The following DBH variants were observed in gnomAD, a reference collection of about 807,000 sequenced individuals.
The protein encoded by DBH is dopamine beta-hydroxylase, also known as dopamine beta-hydroxylase (dopamine beta-monooxygenase).
A neutral mutation model predicts 64.0 loss-of-function variants in DBH; 49 were observed. That is an observed-to-expected ratio of 0.77 (90% CI 0.61 to 0.97). The LOEUF is 0.97. Among genes scored for constraint, DBH ranks in the 50% least tolerant of loss-of-function variants. DBH has a pLI of 0.00. For missense variants in DBH, 828 were observed against 826.6 expected (o/e 1.00, Z -0.02); for synonymous variants, 343 against 347.1 (o/e 0.99, Z 0.13).
At chr9:133,646,033 A>G (rs1832177259) in intron 5 of DBH, among the ~76,000 whole-genome samples, 1 of 152,150 alleles carries the variant, frequency 6.6e-6, no homozygotes, top group Non-Finnish European at 1.5e-5. Flanking sequence ...AGCATGAAGA[A>G]GATGAAACCA....
chr9:133,650,442 CTTCT>C (rs1832232198), intron 6 of DBH, among the ~76,000 whole-genome samples: 2 of 150,572 alleles, frequency 1.3e-5, no homozygotes, highest in African/African-American at 5.0e-5. Context: ...TCCTTCTTTC[CTTCT>C]TTTCTTTCCT....
Position 133,642,295 on chromosome 9 carries a change from T to G in DBH, c.575T>G (p.Leu192Arg). The part of the protein sequence containing the change: ...AINGSGLQMG[L>R]QRVQLLKPNI... ...AACGGCTCGGGCCTGCAGATGGGGC[T>G]GCAGAGGGTGCAGCTCCTGAAGCCC... Residue 192 changes from leucine to arginine, a missense_variant, in exon 3 of 12, where the codon CTG becomes CGG. Coordinates refer to ENST00000393056, the MANE Select transcript of DBH (RefSeq NM_000787.4). The G allele has an allele frequency of 6.2e-7, 1 of 1,614,018 alleles. No homozygotes were observed. The highest frequency in any genetic ancestry group is 8.5e-7 in the Non-Finnish European group (1 of 1,179,986).
In DBH at chr9:133,658,398, G is replaced by C; in HGVS notation, c.1805G>C (p.Arg602Pro). 6.2e-7 allele frequency: 1 copy of C among 1,613,680 alleles called. No homozygotes were observed. The highest frequency in any genetic ancestry group is 8.5e-7 in the Non-Finnish European group (1 of 1,179,774). The stretch of plus-strand genomic sequence containing the variant: ...CCACAGTGCCCCACCAGCCAGGGCC[G>C]AAGCCCTGCTGGCCCCACCGTTGTC... ...PTPQCPTSQGRSPAGPTVVSI... is the reference protein window; with the variant it reads ...PTPQCPTSQGPSPAGPTVVSI... Residue 602 changes from arginine (R) to proline (P), a missense_variant, in exon 12 of 12, where the codon CGA (arginine) becomes CCA (proline). Arg to Pro is a moderately radical substitution (Grantham distance 103, BLOSUM62 -2). Coordinates refer to ENST00000393056, the MANE Select transcript of DBH (RefSeq NM_000787.4).
chr9:133,654,100 T>TATTTC (rs1832283779), intron 9 of DBH, among the ~76,000 whole-genome samples: 1 of 132,966 alleles, frequency 7.5e-6, no homozygotes, highest in African/African-American at 3.0e-5. Flanking sequence ...GCCAGTGGTT[T>TATTTC]ATTTTATTTT....
chr9:133,648,234 C>G (rs1329067453), intron 6 of DBH, among the ~76,000 whole-genome samples: 1 of 152,158 alleles, frequency 6.6e-6, no homozygotes, highest in African/African-American at 2.4e-5. Context: ...ACCATGGCTC[C>G]CACTAGTCCA....
At chr9:133,658,294 C>A in intron 11 of DBH, 22 bp from the exon 12 acceptor site, 1 of 1,611,994 alleles carries the variant, frequency 6.2e-7, no homozygotes, top group Non-Finnish European at 8.5e-7. Context: ...CCTCAGTTTA[C>A]CTCCTGCCCC....
chr9:133,658,316 G>T lies in DBH; in HGVS notation c.1723G>T (p.Gly575Cys), dbSNP rs562020837. ...CNKSSAVRFQ[G>C]EWNLQPLPKV... ...TTACCTCCTGCCCCCTTCCTTGCAG[G>T]GTGAATGGAACCTGCAGCCCCTGCC... Residue 575 changes from glycine to cysteine, a missense_variant and splice_region_variant, in exon 12 of 12, where the codon GGT (glycine) becomes TGT (cysteine). Coordinates refer to ENST00000393056, the MANE Select transcript of DBH (RefSeq NM_000787.4). The T allele has an allele frequency of 2.5e-6, 4 of 1,613,840 alleles. No homozygotes were observed. In the Admixed American group the frequency reaches 6.7e-5, roughly 27 times the overall value.
At chr9:133,639,626 G>C (rs956648130) in intron 1 of DBH, among the ~76,000 whole-genome samples, 1 of 152,198 alleles carries the variant, frequency 6.6e-6, no homozygotes, top group Non-Finnish European at 1.5e-5. Context: ...CAACTCCACT[G>C]TCGGGGCTCA....
At chr9:133,644,959 ACACACACATG>A (rs370462926) in intron 5 of DBH, among the ~76,000 whole-genome samples, 12,609 of 63,822 alleles carry the variant, frequency 0.2, 618 homozygotes, top group African/African-American at 0.3. Flanking sequence ...ACACACACGC[ACACACACATG>A]CACACATGTA....
At chr9:133,647,594 A>G (rs1045907755) in intron 5 of DBH, among the ~76,000 whole-genome samples, 1 of 152,196 alleles carries the variant, frequency 6.6e-6, no homozygotes, top group African/African-American at 2.4e-5. Flanking sequence ...GTTTTCATAG[A>G]AACAGCAGCT....
chr9:133,646,832 C>T (rs1048475728), intron 5 of DBH, among the ~76,000 whole-genome samples: 12 of 152,284 alleles, frequency 7.9e-5, no homozygotes, highest in African/African-American at 2.2e-4. Context: ...GCCCCCTGGA[C>T]CTCTGACCAT....
chr9:133,640,032 C>T (rs772283895), intron 2 of DBH, 40 bp downstream of exon 2: 31 of 1,611,076 alleles, frequency 1.9e-5, no homozygotes, highest in East Asian at 4.5e-5. Flanking sequence ...GCGTGGGCTG[C>T]GTGTATCATG....
At chr9:133,649,102 T>G (rs1158873287) in intron 6 of DBH, among the ~76,000 whole-genome samples, 1 of 152,184 alleles carries the variant, frequency 6.6e-6, no homozygotes, top group African/African-American at 2.4e-5. Flanking sequence ...GACATGTCAG[T>G]GTTGTTTAAC....
chr9:133,656,947 G>A (rs1832329682), intron 10 of DBH, 123 bp from the exon 11 acceptor site: 1 of 1,172,526 alleles, frequency 8.5e-7, no homozygotes, highest in Non-Finnish European at 1.3e-6. Context: ...CGGGGCTGGG[G>A]AGGAGGTGGC....
At chr9:133,642,161 T>A (rs1832123182) in intron 2 of DBH, 46 bp from the exon 3 acceptor site, 1 of 1,608,238 alleles carries the variant, frequency 6.2e-7, no homozygotes, top group African/African-American at 1.3e-5. Flanking sequence ...AGCCCAACTC[T>A]GGGGGCTCTG....
intron 9 of DBH, 85 bp from the exon 10 acceptor site, chr9:133,656,438 T>A: frequency 6.3e-7 from 1 of 1,584,762 alleles, no homozygotes; most frequent in Non-Finnish European, 8.6e-7. Flanking sequence ...GTGGACGCAG[T>A]GTACACGTGG....
intron 5 of DBH, among the ~76,000 whole-genome samples, chr9:133,646,380 C>T (rs929788896): frequency 1.3e-5 from 2 of 152,098 alleles, no homozygotes; most frequent in Non-Finnish European, 2.9e-5. Flanking sequence ...TGGGGCCAGG[C>T]CTTTAGATCC....
At position 133,642,277 on chromosome 9, in the gene DBH, C is replaced by G; in HGVS notation, c.557C>G (p.Ser186Trp). The change falls in exon 3 of 12, where the codon TCG becomes TGG. Residue 186 changes from serine to tryptophan, a missense_variant. Ser to Trp is a radical substitution (Grantham distance 177). Transcript: ENST00000393056. The stretch of plus-strand genomic sequence containing the variant: ...CGGTCACTGGAGGCCATCAACGGCT[C>G]GGGCCTGCAGATGGGGCTGCAGAGG... The part of the protein sequence containing the change: ...PFRSLEAING[S>W]GLQMGLQRVQ... The G allele has an allele frequency of 2.5e-6, 4 of 1,614,044 alleles. No individual in the cohort carries two copies. Among genetic ancestry groups the G allele is most frequent in the Non-Finnish European group, 3.4e-6 (4 of 1,180,024 alleles).
rs544500648 is a variant in DBH at position 133,643,735 on chromosome 9, A to G, written c.921+146A>G. ...GAGGCCACCAGAAGGGCCAGGCCTGAGGTGGCCCCCTCGCCTCTGTGATGT... is the reference window on the plus strand; with the variant it reads ...GAGGCCACCAGAAGGGCCAGGCCTGGGGTGGCCCCCTCGCCTCTGTGATGT... On this transcript the variant is annotated intron_variant, in intron 4 of 11. Coordinates refer to ENST00000393056, the MANE Select transcript of DBH (RefSeq NM_000787.4). This position sits in a 1 kb window ranked among gnomAD's most constrained non-coding sequence, Gnocchi z 5.3. 287 of 861,760 alleles carry G rather than the reference A, an allele frequency of 3.3e-4. No homozygotes were observed. Among genetic ancestry groups the G allele is most frequent in the Non-Finnish European group, 5.0e-5 (28 of 561,562 alleles). 53.4% of individuals were successfully genotyped at this position (861,760 alleles called of 1,614,324 possible).
Sources: allele counts gnomAD v4.1 joint callset (sites outside exome capture counted in the v4.1 genomes callset), GRCh38; gene constraint gnomAD v4.1.1; non-coding constraint Gnocchi (gnomAD v3.1); transcripts MANE v1.5; gene names NCBI Gene and HGNC (gene_info 2026-07-23, HGNC 2026-07-21).